Variants in PPP1R13B observed in about 807,000 individuals in gnomAD.
PPP1R13B encodes apoptosis-stimulating of p53 protein 1.
In PPP1R13B, 44 loss-of-function variants were observed where a neutral mutation model predicts 119.8. That is an observed-to-expected ratio of 0.37 (90% CI 0.29 to 0.47). The LOEUF is 0.47. Among genes scored for constraint, PPP1R13B ranks in the 20% least tolerant of loss-of-function variants. The probability of loss-of-function intolerance (pLI) is 0.99; values close to 1 mark genes in which losing one functional copy is unlikely to be tolerated. For missense variants in PPP1R13B, 1,227 were observed against 1,413.5 expected (o/e 0.87, Z 2.12); for synonymous variants, 542 against 561.5 (o/e 0.97, Z 0.49).
Position 103,735,397 on chromosome 14 carries a change from A to G in PPP1R13B, c.3232-202T>C, listed in dbSNP as rs138510564. On this transcript the variant is annotated intron_variant, in intron 16 of 16. Coordinates refer to ENST00000202556, the MANE Select transcript of PPP1R13B (RefSeq NM_015316.3). ...GTGCCTTGTACCCCCAGAATATCCT[A>G]TTTTTCTCACAACACTTCATGCCAC... 3.3e-5 allele frequency among the ~76,000 whole-genome samples: 5 copies of G among 151,970 alleles called. No homozygotes were observed. In the South Asian group the frequency reaches 6.2e-4, roughly 19 times the overall value.
chr14:103,737,973 T>C (rs563792541), intron 14 of PPP1R13B, 113 bp from the exon 15 acceptor site: 27 of 1,228,318 alleles, frequency 2.2e-5, no homozygotes, highest in Non-Finnish European at 3.0e-5. Context: ...CTTTGTGCCA[T>C]CAAGTCTCAG....
At position 103,797,515 on chromosome 14, in the gene PPP1R13B, T is replaced by A. The variant is rs759286866; in HGVS notation, c.13A>T (p.Ile5Leu). ...TTGTTGCTCAAGAAAACAGTTAATA[T>A]CATCTGTAAGACAAAAGAGTAAAGC... MMPM[I>L]LTVFLSNNEQ... The change falls in exon 2 of 17, where the codon ATA (isoleucine) becomes TTA (leucine). Residue 5 changes from isoleucine (I) to leucine (L), a missense_variant. Physicochemically the swap from Ile to Leu is conservative, Grantham distance 5. Coordinates refer to ENST00000202556, the MANE Select transcript of PPP1R13B (RefSeq NM_015316.3). 1.9e-6 allele frequency: 3 copies of A among 1,610,470 alleles called. No individual in the cohort carries two copies. Among genetic ancestry groups the A allele is most frequent in the Non-Finnish European group, 1.7e-6 (2 of 1,177,498 alleles).
chr14:103,847,701 C>T (rs1467418081), upstream of PPP1R13B: 2 of 849,702 alleles, frequency 2.4e-6, no homozygotes, highest in Non-Finnish European at 2.8e-6. Context: ...AGGGGCGGGG[C>T]TTCCCGGCTC....
intron 4 of PPP1R13B, 47 bp from the exon 5 acceptor site, chr14:103,757,798 T>C: frequency 1.3e-6 from 2 of 1,522,482 alleles, no homozygotes; most frequent in Admixed American, 3.4e-5. Context: ...TCTGCATAAT[T>C]GTCTGTCTCT....
At chr14:103,821,870 T>G (rs891954281) in intron 1 of PPP1R13B, among the ~76,000 whole-genome samples, 21 of 151,934 alleles carry the variant, frequency 1.4e-4, no homozygotes, top group Non-Finnish European at 7.4e-5. Context: ...CCCTGGAAAA[T>G]GTAAGCTAAG....
At chr14:103,766,240 C>T (rs1057279456) in intron 4 of PPP1R13B, among the ~76,000 whole-genome samples, 27 of 152,162 alleles carry the variant, frequency 1.8e-4, no homozygotes, top group African/African-American at 6.0e-4. Context: ...GATCTCCTGA[C>T]CTCATGATCC....
Position 103,740,222 on chromosome 14 carries a change from T to C in PPP1R13B, c.2194A>G (p.Thr732Ala), listed in dbSNP as rs1595707992. The C allele has an allele frequency of 1.2e-6, 2 of 1,613,296 alleles. No individual in the cohort carries two copies. Among genetic ancestry groups the C allele is most frequent in the Non-Finnish European group, 1.7e-6 (2 of 1,179,722 alleles). ...GTGCCCTCCATGCCACCGGCCAGGG[T>C]GTTGAAGCGCTGGTACAGCAGCTTC... The part of the protein sequence containing the change: ...IQKLLYQRFN[T>A]LAGGMEGTPF... Residue 732 changes from threonine (T) to alanine (A), a missense_variant, in exon 12 of 17, where the codon ACC (threonine) becomes GCC (alanine). Transcript: ENST00000202556. The surrounding 1 kb of genome is among the most constrained non-coding windows in gnomAD (Gnocchi z 4.6).
Position 103,740,175 on chromosome 14 carries a change from G to A in PPP1R13B, c.2241C>T (p.Pro747=). 3.7e-6 allele frequency: 6 copies of A among 1,613,816 alleles called. No individual in the cohort carries two copies. Among genetic ancestry groups the A allele is most frequent in the Non-Finnish European group, 5.1e-6 (6 of 1,180,026 alleles). ...MEGTPFYQPS[P]SQDFMGTLAD... is the part of the protein sequence containing the mutation. ...CCAAGGTGCCCATGAAGTCCTGGGA[G>A]GGGCTGGGCTGGTAGAAAGGGGTGC... The change falls in exon 12 of 17, where the codon CCC becomes CCT. Residue 747 remains proline, a synonymous_variant. Coordinates refer to ENST00000202556, the MANE Select transcript of PPP1R13B (RefSeq NM_015316.3). This position sits in a 1 kb window ranked among gnomAD's most constrained non-coding sequence, Gnocchi z 4.6.
chr14:103,825,553 T>A (rs1054059999), intron 1 of PPP1R13B, among the ~76,000 whole-genome samples: 4 of 152,142 alleles, frequency 2.6e-5, no homozygotes, highest in Non-Finnish European at 5.9e-5. Context: ...GTAGTCTGGA[T>A]CAATAAAATG....
At chr14:103,736,532 C>A in intron 15 of PPP1R13B, 1 of 374,530 alleles carries the variant, frequency 2.7e-6, no homozygotes, top group Non-Finnish European at 5.0e-6. Context: ...AAGTCACTAG[C>A]TAGAGCAGCT....
chr14:103,737,747 T>C lies in PPP1R13B; in HGVS notation c.2978A>G (p.Asp993Gly). The change falls in exon 15 of 17, where the codon GAC (aspartate) becomes GGC (glycine). Residue 993 changes from aspartate to glycine, a missense_variant. By Grantham distance (94) the Asp-to-Gly change is moderately conservative. Coordinates refer to ENST00000202556, the MANE Select transcript of PPP1R13B (RefSeq NM_015316.3). ...STISDIETAADKCEEMEEGYI... is the reference protein window; with the variant it reads ...STISDIETAAGKCEEMEEGYI... ...GCCTTCCTCCATCTCCTCACACTTGTCTGCAGCAGTTTCAATGTCGCTTAT... is the reference window on the plus strand; with the variant it reads ...GCCTTCCTCCATCTCCTCACACTTGCCTGCAGCAGTTTCAATGTCGCTTAT... 6.2e-7 allele frequency: 1 copy of C among 1,614,254 alleles called. No homozygotes were observed. Among genetic ancestry groups the C allele is most frequent in the African/African-American group, 1.3e-5 (1 of 75,070 alleles).
chr14:103,841,271 G>A (rs973464656), intron 1 of PPP1R13B, among the ~76,000 whole-genome samples: 2 of 151,608 alleles, frequency 1.3e-5, no homozygotes, highest in African/African-American at 4.9e-5. Context: ...TACAACAAGA[G>A]CGAAACTCTG....
chr14:103,847,325 A>C lies in PPP1R13B; in HGVS notation c.-18T>G. On this transcript the variant is annotated 5_prime_UTR_variant, in exon 1 of 17. Coordinates refer to ENST00000202556, the MANE Select transcript of PPP1R13B (RefSeq NM_015316.3). ...GGCATCATCGCGGGGAGAGTCCGCG[A>C]CGCCCTCGGCCGCCGCCTGACAGGA... 8.5e-7 allele frequency: 1 copy of C among 1,182,428 alleles called. No individual in the cohort carries two copies. Among genetic ancestry groups the C allele is most frequent in the Non-Finnish European group, 1.1e-6 (1 of 938,336 alleles). The allele number at this position is 1,182,428 out of a possible 1,614,324, so 73.2% of individuals were successfully genotyped here.
chr14:103,752,190 T>G (rs1179814051), intron 7 of PPP1R13B, among the ~76,000 whole-genome samples: 1 of 152,216 alleles, frequency 6.6e-6, no homozygotes, highest in African/African-American at 2.4e-5. Flanking sequence ...CCAATGAGCA[T>G]GTATTTCCTT....
chr14:103,841,463 G>A (rs755847747), intron 1 of PPP1R13B, among the ~76,000 whole-genome samples: 5 of 151,882 alleles, frequency 3.3e-5, no homozygotes, highest in African/African-American at 9.7e-5. Context: ...GGTGGCGGGC[G>A]CCTGTAATCC....
intron 2 of PPP1R13B, among the ~76,000 whole-genome samples, chr14:103,795,628 A>G (rs1430078081): frequency 1.3e-5 from 2 of 152,184 alleles, no homozygotes; most frequent in Non-Finnish European, 2.9e-5. Flanking sequence ...TAGAATTGAT[A>G]ACAAGTAACA....
intron 1 of PPP1R13B, among the ~76,000 whole-genome samples, chr14:103,831,180 T>C (rs1461235223): frequency 1.3e-5 from 2 of 152,074 alleles, no homozygotes; most frequent in Non-Finnish European, 2.9e-5. Flanking sequence ...CCTGACCTCA[T>C]GATCTGCCCA....
chr14:103,739,360 G>A lies in PPP1R13B; in HGVS notation c.2593-337C>T, dbSNP rs991392090. 4 of 339,966 alleles carry A rather than the reference G, an allele frequency of 1.2e-5. No individual in the cohort carries two copies. In the Admixed American group the frequency reaches 1.3e-4, roughly 11 times the overall value. The allele number at this position is 339,966 out of a possible 1,614,324, so 21.1% of individuals were successfully genotyped here. On this transcript the variant is annotated intron_variant, in intron 12 of 16. Transcript: ENST00000202556. Reference sequence around the variant, plus strand: ...AGTAGCTGATGGGAGCCAGCAGCTCGTTCCTGCCCACATGCGACAGGGTTC... The same window carrying A: ...AGTAGCTGATGGGAGCCAGCAGCTCATTCCTGCCCACATGCGACAGGGTTC...
intron 1 of PPP1R13B, among the ~76,000 whole-genome samples, chr14:103,798,411 C>T (rs2085813700): frequency 6.6e-6 from 1 of 152,016 alleles, no homozygotes; most frequent in Non-Finnish European, 1.5e-5. Flanking sequence ...CTCGGCCTCC[C>T]AAAGTGCTGG....
Sources: gnomAD v4.1 joint callset for allele counts (sites outside exome capture counted in the v4.1 genomes callset) on GRCh38, gnomAD v4.1.1 for gene constraint, Gnocchi (gnomAD v3.1) non-coding constraint, MANE v1.5 for transcripts, NCBI Gene and HGNC (gene_info 2026-07-23, HGNC 2026-07-21) for gene names.